The following PDE4D variants were observed in gnomAD, a reference collection of about 807,000 sequenced individuals.
PDE4D encodes phosphodiesterase 4D.
In PDE4D, 24 loss-of-function variants were observed where a neutral mutation model predicts 87.4. The ratio of observed to expected loss-of-function variants is 0.27; its 90% CI spans 0.20 to 0.39. PDE4D has a LOEUF of 0.39. Ranked by LOEUF, PDE4D falls within the 10% of genes least tolerant of loss-of-function variation. The pLI is 1.00. For missense variants in PDE4D, 714 were observed against 1,041.0 expected, an observed-to-expected ratio of 0.69 and a Z score of 4.32; for synonymous variants, 384 against 383.2, an observed-to-expected ratio of 1.00 and a Z score of -0.02.
chr5:60,379,493 A>T (rs1056717782), intron 1 of PDE4D, among the ~76,000 whole-genome samples: 1 of 152,242 alleles, frequency 6.6e-6, no homozygotes, highest in Non-Finnish European at 1.5e-5. Flanking sequence ...CTGAGGACCC[A>T]ATCTCATGAA....
chr5:59,623,084 C>T (rs973442212), intron 1 of PDE4D, among the ~76,000 whole-genome samples: 2 of 152,156 alleles, frequency 1.3e-5, no homozygotes, highest in Non-Finnish European at 2.9e-5. Context: ...TAAATGAGCA[C>T]ATCAATTGCA....
At chr5:59,539,330 C>A (rs1295980788) in intron 1 of PDE4D, among the ~76,000 whole-genome samples, 1 of 152,126 alleles carries the variant, frequency 6.6e-6, no homozygotes, top group Non-Finnish European at 1.5e-5. Flanking sequence ...TGCATAATAA[C>A]TAGCTGTCTT....
At chr5:60,054,433 A>C (rs1029461307) in intron 2 of PDE4D, among the ~76,000 whole-genome samples, 1 of 152,196 alleles carries the variant, frequency 6.6e-6, no homozygotes, top group African/African-American at 2.4e-5. Context: ...ACACAGGAAC[A>C]GAAAACCAAA....
At chr5:59,287,734 G>GAGACAGAC (rs796558336) in intron 1 of PDE4D, among the ~76,000 whole-genome samples, 3 of 151,274 alleles carry the variant, frequency 2.0e-5, no homozygotes, top group South Asian at 2.1e-4. Context: ...GAGAGAGAGA[G>GAGACAGAC]AGACAGACAG....
At chr5:59,271,747 C>T (rs957005195) in intron 1 of PDE4D, among the ~76,000 whole-genome samples, 7 of 151,972 alleles carry the variant, frequency 4.6e-5, no homozygotes, top group African/African-American at 1.4e-4. Flanking sequence ...GGTTTAATGT[C>T]TAAGTAGATA....
intron 1 of PDE4D, among the ~76,000 whole-genome samples, chr5:59,442,038 A>G (rs1042617947): frequency 6.6e-6 from 1 of 152,260 alleles, no homozygotes; most frequent in Non-Finnish European, 1.5e-5. Flanking sequence ...AATAAAAAAT[A>G]CACTATTTAT....
chr5:59,267,692 AT>A (rs1204902219), intron 1 of PDE4D, among the ~76,000 whole-genome samples: 4 of 152,256 alleles, frequency 2.6e-5, no homozygotes, highest in South Asian at 4.1e-4. Flanking sequence ...ATGGGTTAGA[AT>A]TTAAGCAAAG....
At chr5:59,175,166 A>G (rs1278585034) in intron 5 of PDE4D, among the ~76,000 whole-genome samples, 1 of 152,112 alleles carries the variant, frequency 6.6e-6, no homozygotes, top group Non-Finnish European at 1.5e-5. Flanking sequence ...ACTCTTTGCC[A>G]CCCTCTCATG....
At chr5:60,108,551 A>C (rs189057744) in intron 2 of PDE4D, among the ~76,000 whole-genome samples, 1 of 152,360 alleles carries the variant, frequency 6.6e-6, no homozygotes, top group African/African-American at 2.4e-5. Context: ...CGCGTTGCCA[A>C]ATGAATCCTA....
intron 1 of PDE4D, among the ~76,000 whole-genome samples, chr5:59,626,266 T>C (rs1160327143): frequency 6.6e-6 from 1 of 152,216 alleles, no homozygotes; most frequent in Non-Finnish European, 1.5e-5. Context: ...GAGAATTAGA[T>C]GGTTTAAACA....
intron 5 of PDE4D, among the ~76,000 whole-genome samples, chr5:59,166,839 C>A (rs1782000811): frequency 6.6e-6 from 1 of 152,072 alleles, no homozygotes; most frequent in Non-Finnish European, 1.5e-5. Flanking sequence ...ATGTGTGTGT[C>A]TTATATGGTC....
intron 3 of PDE4D, among the ~76,000 whole-genome samples, chr5:59,964,926 T>C (rs1406365100): frequency 6.6e-6 from 1 of 152,176 alleles, no homozygotes; most frequent in Admixed American, 6.6e-5. Context: ...ATGTTTTTCT[T>C]CTCTCAATTC....
Position 59,075,057 on chromosome 5 carries a change from G to C in PDE4D, c.809-36086C>G, listed in dbSNP as rs898375752. Among the ~76,000 whole-genome samples, 12 of 132,228 alleles carry C rather than the reference G, an allele frequency of 9.1e-5. No homozygotes were observed. In the East Asian group the frequency reaches 2.9e-3, roughly 32 times the overall value. 86.7% of individuals were successfully genotyped at this position (132,228 alleles called of 152,430 possible). On this transcript the variant is annotated intron_variant, in intron 5 of 14. Transcript: ENST00000340635. ...GCTCCTTGAAATGCTTTGTTGAGAA[G>C]GAGTAAAAAGCTTACAAAACACACA...
chr5:60,072,100 C>T (rs527826742), intron 2 of PDE4D, among the ~76,000 whole-genome samples: 31 of 152,226 alleles, frequency 2.0e-4, no homozygotes, highest in Admixed American at 1.8e-3. Flanking sequence ...TGCCACACTA[C>T]TTTCTACAAT....
chr5:60,520,418 C>T (rs1009255958), intron 1 of PDE4D, among the ~76,000 whole-genome samples: 8 of 152,290 alleles, frequency 5.3e-5, no homozygotes, highest in African/African-American at 1.7e-4. Flanking sequence ...TCTGACATTC[C>T]CTCCCCAAAT....
chr5:59,597,390 G>T (rs900100668), intron 1 of PDE4D, among the ~76,000 whole-genome samples: 1 of 152,080 alleles, frequency 6.6e-6, no homozygotes, highest in Non-Finnish European at 1.5e-5. Context: ...ATGTTCTGGA[G>T]ACTGTTCTTT....
intron 2 of PDE4D, among the ~76,000 whole-genome samples, chr5:60,015,233 T>C (rs933622753): frequency 6.6e-6 from 1 of 152,168 alleles, no homozygotes; most frequent in South Asian, 2.1e-4. Context: ...AGCACTGTAA[T>C]GTGATGAGAC....
In PDE4D at chr5:60,115,406, AT is replaced by A. The variant is rs370475023; in HGVS notation, c.42+70150del. Reference sequence around the variant, plus strand: ...GTGTCATGAACAAAAAATTAATTGCATTTATTATCATAATGGACTATGTAAG... The same window carrying A: ...GTGTCATGAACAAAAAATTAATTGCATTATTATCATAATGGACTATGTAAG... On this transcript the variant is annotated intron_variant, in intron 2 of 16. Transcript: ENST00000502484. 7.2e-4 allele frequency among the ~76,000 whole-genome samples: 110 copies of A among 152,182 alleles called. 1 individual carries two copies. Among genetic ancestry groups the A allele is most frequent in the African/African-American group, 1.3e-3 (56 of 41,544 alleles).
intron 1 of PDE4D, among the ~76,000 whole-genome samples, chr5:60,314,499 A>C (rs1755357668): frequency 6.6e-6 from 1 of 151,966 alleles, no homozygotes; most frequent in African/African-American, 2.4e-5. Context: ...TTTTATTATT[A>C]TTATACTTTA....
Sources: allele counts gnomAD v4.1 joint callset (sites outside exome capture counted in the v4.1 genomes callset), GRCh38; gene constraint gnomAD v4.1.1; transcripts MANE v1.5; gene names NCBI Gene and HGNC (gene_info 2026-07-23, HGNC 2026-07-21).